The following THOC5 variants were observed in gnomAD, a reference collection of about 807,000 sequenced individuals.
THOC5 encodes the protein THO complex subunit 5.
Under a neutral mutation model 92.9 loss-of-function variants are expected in THOC5, and 43 were observed. The observed-to-expected ratio is 0.46, with a 90% CI of 0.36 to 0.60. The LOEUF (loss-of-function observed/expected upper bound fraction) is 0.60, where lower values mean the gene tolerates loss of function less well. THOC5 is among the 20% of genes least tolerant of loss of function. The pLI is 0.00. For synonymous variants in THOC5, 296 were observed against 320.1 expected, an observed-to-expected ratio of 0.92 and a Z score of 0.80; for missense variants, 659 against 849.4, an observed-to-expected ratio of 0.78 and a Z score of 2.79.
intron 10 of THOC5, 57 bp downstream of exon 10, chr22:29,528,369 A>G: frequency 6.2e-7 from 1 of 1,614,072 alleles, no homozygotes. Context: ...CCTGCGAACA[A>G]GCATGCCCCA....
At chr22:29,537,932 C>A (rs1364560015) in intron 6 of THOC5, among the ~76,000 whole-genome samples, 1 of 152,072 alleles carries the variant, frequency 6.6e-6, no homozygotes, top group Non-Finnish European at 1.5e-5. Context: ...ATAAATAAAC[C>A]TCTTTATTCA....
chr22:29,534,198 T>C (rs560573531), intron 7 of THOC5, among the ~76,000 whole-genome samples: 1 of 152,318 alleles, frequency 6.6e-6, no homozygotes, highest in East Asian at 1.9e-4. Context: ...ACTATGATTC[T>C]CTTTGTATAG....
chr22:29,551,104 A>T (rs552217840), intron 1 of THOC5, among the ~76,000 whole-genome samples: 103 of 152,248 alleles, frequency 6.8e-4, no homozygotes, highest in African/African-American at 2.3e-3. Flanking sequence ...TCTGGTGGAG[A>T]GATTTCAAGT....
chr22:29,507,879 T>C lies in THOC5; in HGVS notation c.*578A>G. 6.5e-6 allele frequency: 1 copy of C among 153,516 alleles called. No individual in the cohort carries two copies. The highest frequency in any genetic ancestry group is 1.5e-5 in the Non-Finnish European group (1 of 68,948). 9.5% of individuals were successfully genotyped at this position (153,516 alleles called of 1,614,324 possible). A position where few individuals can be genotyped will look rare whatever the true frequency, so the allele number is the denominator to read the frequency against. ...TTTCAACTGTGCAGGGCAGGGGGTG[T>C]TGGTGCCCCTAACCCCTGAGTTGTT... is the stretch of plus-strand genomic sequence containing the variant. On this transcript the variant is annotated 3_prime_UTR_variant, in exon 20 of 20. Coordinates refer to ENST00000490103, the MANE Select transcript of THOC5 (RefSeq NM_003678.5).
chr22:29,518,998 C>T lies in THOC5; in HGVS notation c.1489+8G>A, dbSNP rs1433475517. The T allele has an allele frequency of 2.5e-6, 4 of 1,573,162 alleles. No homozygotes were observed. In the African/African-American group the frequency reaches 4.1e-5, roughly 16 times the overall value. On this transcript the variant is annotated splice_region_variant and intron_variant, in intron 15 of 19. Transcript: ENST00000490103. ...GACTCTTAAACCACTGCCCCATCAT[C>T]AGCTTACCTAGGGATGCAAACTGTT...
rs184016277 is a variant in THOC5, at chr22:29,524,630, C to T, written c.1175+1208G>A. Reference sequence around the variant, plus strand: ...TGTAACTGGGTGCTCAGAAGCAAGCCCTGGGCTCCCTCTGCTGGGGTCAGA... The same window carrying T: ...TGTAACTGGGTGCTCAGAAGCAAGCTCTGGGCTCCCTCTGCTGGGGTCAGA... On this transcript the variant is annotated intron_variant, in intron 12 of 19. Coordinates refer to ENST00000490103, the MANE Select transcript of THOC5 (RefSeq NM_003678.5). 1.1e-4 allele frequency among the ~76,000 whole-genome samples: 17 copies of T among 152,244 alleles called. No individual in the cohort carries two copies. In the East Asian group the frequency reaches 3.1e-3, roughly 28 times the overall value.
At chr22:29,509,494 C>A (rs1042598709) in intron 19 of THOC5, among the ~76,000 whole-genome samples, 1 of 152,010 alleles carries the variant, frequency 6.6e-6, no homozygotes, top group Admixed American at 6.6e-5. Context: ...CTCCCAGCAG[C>A]CACTCAGAGC....
chr22:29,512,538 TC>T (rs1246693788), intron 17 of THOC5, among the ~76,000 whole-genome samples: 2 of 152,236 alleles, frequency 1.3e-5, no homozygotes, highest in African/African-American at 2.4e-5. Context: ...AACTATCACA[TC>T]AAATATATTT....
intron 1 of THOC5, among the ~76,000 whole-genome samples, chr22:29,551,946 TGACTGGTTTTCGTATTTTTTGGTGGA>T (rs1011846720): frequency 1.9e-4 from 29 of 152,058 alleles, no homozygotes; most frequent in Admixed American, 7.2e-4. Context: ...CCGCCACGCC[TGACTGGTTTTCGTATTTTTTGGTGGA>T]GACGGGGTTT....
intron 2 of THOC5, among the ~76,000 whole-genome samples, chr22:29,548,373 T>C (rs1370332750): frequency 6.6e-6 from 1 of 152,060 alleles, no homozygotes; most frequent in African/African-American, 2.4e-5. Context: ...CTGGGTAACG[T>C]GGCAAAACCT....
intron 9 of THOC5, 37 bp downstream of exon 9, chr22:29,529,124 TG>T: frequency 1.2e-6 from 2 of 1,604,874 alleles, no homozygotes; most frequent in Non-Finnish European, 1.7e-6. Context: ...GATGGTGACC[TG>T]GTGTCCCTGG....
chr22:29,510,264 A>G (rs561793046), intron 19 of THOC5, among the ~76,000 whole-genome samples: 1 of 152,328 alleles, frequency 6.6e-6, no homozygotes, highest in South Asian at 2.1e-4. Flanking sequence ...CTTCTGCTTC[A>G]TCATGAGCTA....
At chr22:29,535,953 G>C (rs1453555088) in intron 7 of THOC5, 1 of 152,176 alleles carries the variant, frequency 6.6e-6, no homozygotes, top group Non-Finnish European at 1.5e-5. Context: ...AGGATTACAG[G>C]CATGAGGCAC....
In THOC5 at chr22:29,544,485, A is replaced by G. The variant is rs112764070; in HGVS notation, c.215T>C (p.Leu72Pro). Residue 72 changes from leucine (L) to proline (P), a missense_variant, in exon 3 of 20, where the codon CTG (leucine) becomes CCG (proline). Leu to Pro is a moderately conservative substitution (Grantham distance 98). Coordinates refer to ENST00000490103, the MANE Select transcript of THOC5 (RefSeq NM_003678.5). ...LQRLMAEIQD[L>P]KSRGGKDVAI... ...CACATCCTTGCCACCCCTGCTCTTCAGGTCTTGGATCTCAGCCATCAGCCT... is the reference window on the plus strand; with the variant it reads ...CACATCCTTGCCACCCCTGCTCTTCGGGTCTTGGATCTCAGCCATCAGCCT... The G allele has an allele frequency of 1.9e-6, 3 of 1,613,620 alleles. No individual in the cohort carries two copies. In the Admixed American group the frequency reaches 5.0e-5, roughly 27 times the overall value.
At chr22:29,541,175 A>C (rs2063874268) in intron 5 of THOC5, among the ~76,000 whole-genome samples, 2 of 151,440 alleles carry the variant, frequency 1.3e-5, no homozygotes, top group African/African-American at 4.9e-5. Flanking sequence ...ACAGAGCGAG[A>C]CTTTATCTTT....
intron 3 of THOC5, 121 bp from the exon 4 acceptor site, chr22:29,543,663 C>T: frequency 1.7e-6 from 1 of 595,098 alleles, no homozygotes; most frequent in Non-Finnish European, 3.0e-6. Context: ...AGCTCAGAAC[C>T]ATGAGAAGGG....
intron 11 of THOC5, 86 bp from the exon 12 acceptor site, chr22:29,526,032 G>T (rs569092567): frequency 1.8e-5 from 10 of 547,454 alleles, no homozygotes; most frequent in Admixed American, 7.1e-5. Flanking sequence ...AAGGTGGGGG[G>T]GTCAAGTGTT....
At chr22:29,524,431 G>A (rs1194394534) in intron 12 of THOC5, among the ~76,000 whole-genome samples, 2 of 152,212 alleles carry the variant, frequency 1.3e-5, no homozygotes, top group Non-Finnish European at 2.9e-5. Context: ...CAGATTCTGA[G>A]GCCAGGTATA....
In THOC5 at chr22:29,508,410, A is replaced by G. The variant is rs775993144; in HGVS notation, c.*47T>C. 1 of 1,582,512 alleles carries G rather than the reference A, an allele frequency of 6.3e-7. No homozygotes were observed. Among genetic ancestry groups the G allele is most frequent in the South Asian group, 1.1e-5 (1 of 90,304 alleles). ...GGGCCAGAGCAGAAAGCAGAAGCCC[A>G]GTGCTCAGGGTGAGGCCTTGGGGGA... On this transcript the variant is annotated 3_prime_UTR_variant, in exon 20 of 20. Transcript: ENST00000490103.
Sources: allele counts gnomAD v4.1 joint callset (sites outside exome capture counted in the v4.1 genomes callset), GRCh38; gene constraint gnomAD v4.1.1; transcripts MANE v1.5; gene names NCBI Gene and HGNC (gene_info 2026-07-23, HGNC 2026-07-21).